Variants in SPAG16 observed in about 807,000 individuals in gnomAD.
SPAG16 encodes sperm-associated antigen 16 protein.
SPAG16 carries 86 observed loss-of-function variants against 80.4 expected under a neutral mutation model. The observed-to-expected ratio is 1.07, with a 90% confidence interval of 0.90 to 1.28. SPAG16 has a LOEUF of 1.28. Among genes scored for constraint, SPAG16 ranks in the 50% most tolerant of loss-of-function variants. The pLI is 0.00. For missense variants in SPAG16, 870 were observed against 765.3 expected, an observed-to-expected ratio of 1.14 and a Z score of -1.61; for synonymous variants, 294 against 265.9, an observed-to-expected ratio of 1.11 and a Z score of -1.03.
chr2:213,850,014 C>T (rs977131311), intron 10 of SPAG16, among the ~76,000 whole-genome samples: 3 of 152,108 alleles, frequency 2.0e-5, no homozygotes, highest in African/African-American at 7.2e-5. Flanking sequence ...ATAAAATGTT[C>T]AGCTGCTAAG....
At chr2:213,804,668 G>A (rs2071640578) in intron 10 of SPAG16, among the ~76,000 whole-genome samples, 1 of 151,144 alleles carries the variant, frequency 6.6e-6, no homozygotes, top group Admixed American at 6.6e-5. Flanking sequence ...GGGCGACAGA[G>A]CGAGACTCCG....
chr2:213,657,392 A>G (rs1056178671), intron 10 of SPAG16, among the ~76,000 whole-genome samples: 1 of 152,178 alleles, frequency 6.6e-6, no homozygotes, highest in Non-Finnish European at 1.5e-5. Flanking sequence ...GCGCTCCTTG[A>G]GCATTAACTA....
intron 10 of SPAG16, among the ~76,000 whole-genome samples, chr2:213,703,670 T>C (rs1324859942): frequency 6.6e-6 from 1 of 152,184 alleles, no homozygotes; most frequent in African/African-American, 2.4e-5. Flanking sequence ...ATCTGTGAAC[T>C]TCGCAAGTCC....
intron 14 of SPAG16, among the ~76,000 whole-genome samples, chr2:214,111,906 C>A (rs2053683877): frequency 6.6e-6 from 1 of 152,070 alleles, no homozygotes; most frequent in Non-Finnish European, 1.5e-5. Context: ...GGAGCTCATT[C>A]ATGATTTGGT....
chr2:214,190,065 C>T (rs909883163), intron 15 of SPAG16, among the ~76,000 whole-genome samples: 2 of 152,186 alleles, frequency 1.3e-5, no homozygotes, highest in East Asian at 1.9e-4. Flanking sequence ...TTATCTCTTT[C>T]CTTTTTCTCT....
At chr2:213,867,694 G>A (rs981796588) in intron 11 of SPAG16, among the ~76,000 whole-genome samples, 5 of 151,768 alleles carry the variant, frequency 3.3e-5, no homozygotes, top group African/African-American at 9.7e-5. Context: ...AGGCCGAGGC[G>A]GGCGGATCAT....
At chr2:213,816,644 A>G (rs753070505) in intron 10 of SPAG16, among the ~76,000 whole-genome samples, 1 of 152,088 alleles carries the variant, frequency 6.6e-6, no homozygotes, top group African/African-American at 2.4e-5. Flanking sequence ...AACATATTTT[A>G]TATCTTGGTG....
intron 5 of SPAG16, among the ~76,000 whole-genome samples, chr2:213,330,349 C>T (rs188611114): frequency 5.3e-5 from 8 of 152,006 alleles, no homozygotes; most frequent in East Asian, 1.9e-4. Context: ...GGTGGAGCTT[C>T]CCAAGACCAC....
chr2:213,790,936 T>C (rs1171333310), intron 10 of SPAG16, among the ~76,000 whole-genome samples: 2 of 152,116 alleles, frequency 1.3e-5, no homozygotes, highest in Non-Finnish European at 2.9e-5. Context: ...TTTGCTTTAA[T>C]CTATTCTCTA....
intron 5 of SPAG16, among the ~76,000 whole-genome samples, chr2:213,318,372 C>G (rs1197348799): frequency 6.6e-6 from 1 of 151,928 alleles, no homozygotes; most frequent in Non-Finnish European, 1.5e-5. Flanking sequence ...GAACTCGAGG[C>G]CCTCACCCTT....
At chr2:213,961,390 C>T (rs1204407620) in intron 12 of SPAG16, among the ~76,000 whole-genome samples, 1 of 151,974 alleles carries the variant, frequency 6.6e-6, no homozygotes, top group Non-Finnish European at 1.5e-5. Flanking sequence ...CCTTTTATTT[C>T]TTTTTCTTGA....
At chr2:213,353,379 A>G (rs146777621) in intron 7 of SPAG16, among the ~76,000 whole-genome samples, 33 of 152,306 alleles carry the variant, frequency 2.2e-4, no homozygotes, top group African/African-American at 7.7e-4. Context: ...AATACAAGCC[A>G]TGAGCAATTT....
At chr2:214,385,195 C>T (rs1200950419) in intron 15 of SPAG16, among the ~76,000 whole-genome samples, 1 of 152,228 alleles carries the variant, frequency 6.6e-6, no homozygotes, top group Non-Finnish European at 1.5e-5. Context: ...GGTTCTGAAT[C>T]TGTCACTCAA....
chr2:213,943,952 C>T (rs1177864854), intron 12 of SPAG16, among the ~76,000 whole-genome samples: 4 of 152,202 alleles, frequency 2.6e-5, no homozygotes, highest in African/African-American at 9.6e-5. Flanking sequence ...TTCTTAGACA[C>T]TACAGCACTG....
intron 10 of SPAG16, among the ~76,000 whole-genome samples, chr2:213,620,671 T>C (rs1207423975): frequency 6.6e-6 from 1 of 152,150 alleles, no homozygotes; most frequent in Non-Finnish European, 1.5e-5. Context: ...TTTGAGGTTA[T>C]GGATATGCTA....
At chr2:213,666,345 T>G (rs1376516706) in intron 10 of SPAG16, among the ~76,000 whole-genome samples, 3 of 152,102 alleles carry the variant, frequency 2.0e-5, no homozygotes, top group Non-Finnish European at 2.9e-5. Flanking sequence ...ATTCCCCCCT[T>G]TTCAATAAAC....
At chr2:213,740,694 A>C (rs2067507392) in intron 10 of SPAG16, among the ~76,000 whole-genome samples, 1 of 152,172 alleles carries the variant, frequency 6.6e-6, no homozygotes, top group Non-Finnish European at 1.5e-5. Context: ...TAACTTACTA[A>C]CCTCCTCAGT....
intron 13 of SPAG16, among the ~76,000 whole-genome samples, chr2:214,059,178 C>T (rs111378224): frequency 2.5e-5 from 3 of 120,630 alleles, no homozygotes; most frequent in African/African-American, 9.6e-5. Context: ...CTCTGTCTCT[C>T]TCTCTGTCTA....
At chr2:214,142,549 TG>T (rs2125542207) in intron 14 of SPAG16, among the ~76,000 whole-genome samples, 1 of 152,294 alleles carries the variant, frequency 6.6e-6, no homozygotes, top group South Asian at 2.1e-4. Flanking sequence ...CTTTCAGTAT[TG>T]TAACTATCTC....
Sources: allele counts gnomAD v4.1 joint callset (sites outside exome capture counted in the v4.1 genomes callset), GRCh38; gene constraint gnomAD v4.1.1; transcripts MANE v1.5; gene names NCBI Gene and HGNC (gene_info 2026-07-23, HGNC 2026-07-21).